Variants in DCAF1 observed in about 807,000 individuals in gnomAD.
The protein encoded by DCAF1 is DDB1 and CUL4 associated factor 1.
Under a neutral mutation model 128.0 loss-of-function variants are expected in DCAF1, and 15 were observed. The ratio of observed to expected loss-of-function variants is 0.12; its 90% CI spans 0.08 to 0.18. The LOEUF (loss-of-function observed/expected upper bound fraction) is 0.18, where lower values mean the gene tolerates loss of function less well. Among genes scored for constraint, DCAF1 ranks in the 10% least tolerant of loss-of-function variants. DCAF1 has a pLI of 1.00. For missense variants in DCAF1, 988 were observed against 1,649.5 expected (o/e 0.60, Z 6.95); for synonymous variants, 610 against 603.0 (o/e 1.01, Z -0.17).
chr3:51,424,147 G>A (rs1260142816), intron 13 of DCAF1, among the ~76,000 whole-genome samples: 5 of 151,956 alleles, frequency 3.3e-5, no homozygotes, highest in African/African-American at 7.2e-5. Flanking sequence ...AGAAAAAACC[G>A]GCTGGGTGTG....
chr3:51,458,422 T>G (rs1703162298), intron 6 of DCAF1, among the ~76,000 whole-genome samples: 2 of 152,172 alleles, frequency 1.3e-5, no homozygotes, highest in Admixed American at 6.6e-5. Context: ...AGCAAGTCCT[T>G]AGTGACCTAC....
intron 2 of DCAF1, among the ~76,000 whole-genome samples, chr3:51,491,549 A>T (rs12492624): frequency 0.074 from 11,257 of 152,066 alleles, 974 homozygotes; most frequent in East Asian, 0.33. Flanking sequence ...GAAAAAAGTA[A>T]TTTCAATAAG....
intron 4 of DCAF1, among the ~76,000 whole-genome samples, chr3:51,469,805 G>A (rs773170094): frequency 1.3e-5 from 2 of 151,954 alleles, no homozygotes; most frequent in Non-Finnish European, 2.9e-5. Flanking sequence ...TGGATCACTT[G>A]AGGTCAGGAG....
chr3:51,403,283 T>C lies in DCAF1; in HGVS notation c.4325A>G (p.Asn1442Ser), dbSNP rs1412068627. ...LLEAELEEDD[N>S]NENAGEDGDN... ...CCCATCTTCCCCTGCGTTCTCATTATTGTCGTCCTCCTCCAACTCCGCCTC... is the reference window on the plus strand; with the variant it reads ...CCCATCTTCCCCTGCGTTCTCATTACTGTCGTCCTCCTCCAACTCCGCCTC... Residue 1442 changes from asparagine (N) to serine (S), a missense_variant, in exon 24 of 25, where the codon AAT (asparagine) becomes AGT (serine). Asn to Ser is a conservative substitution (Grantham distance 46). Around this residue, in one of 11 missense-constraint regions of DCAF1, gnomAD observed 97 missense variants for 134.5 expected, o/e 0.72. Coordinates refer to ENST00000684031, the MANE Select transcript of DCAF1 (RefSeq NM_001387579.1). The C allele has an allele frequency of 1.9e-6, 3 of 1,605,652 alleles. No individual in the cohort carries two copies. The highest frequency in any genetic ancestry group is 4.5e-5 in the East Asian group (2 of 44,464).
chr3:51,420,691 T>C lies in DCAF1; in HGVS notation c.2279A>G (p.Lys760Arg), dbSNP rs369625178. 6.2e-7 allele frequency: 1 copy of C among 1,613,928 alleles called. No homozygotes were observed. The highest frequency in any genetic ancestry group is 1.3e-5 in the African/African-American group (1 of 74,940). ...ACTGCGAGACAGGCCCACTAGGGCT[T>C]TGCAGGCCAGGGCCCGGATTTGGTC... ...DADQIRALACKALVGLSRSST... is the reference protein window; with the variant it reads ...DADQIRALACRALVGLSRSST... Residue 760 changes from lysine (K) to arginine (R), a missense_variant, in exon 15 of 25, where the codon AAA becomes AGA. Physicochemically the swap from Lys to Arg is conservative, Grantham distance 26. Transcript: ENST00000684031. The surrounding 1 kb of genome is among the most constrained non-coding windows in gnomAD (Gnocchi z 6.5).
At chr3:51,423,784 C>A (rs1423854005) in intron 13 of DCAF1, among the ~76,000 whole-genome samples, 3 of 145,324 alleles carry the variant, frequency 2.1e-5, no homozygotes, top group African/African-American at 7.7e-5. Flanking sequence ...CACACCACTG[C>A]ACTCGAGCTT....
intron 6 of DCAF1, among the ~76,000 whole-genome samples, chr3:51,447,041 T>C (rs939096865): frequency 4.9e-4 from 75 of 151,522 alleles, no homozygotes; most frequent in African/African-American, 1.8e-3. Flanking sequence ...ATTTTCTTTT[T>C]CTTAAAGTCT....
chr3:51,442,772 T>C (rs908083813), intron 7 of DCAF1, among the ~76,000 whole-genome samples: 3 of 151,612 alleles, frequency 2.0e-5, no homozygotes, highest in African/African-American at 7.3e-5. Flanking sequence ...ATCAGAATAG[T>C]GGATAGATAA....
intron 23 of DCAF1, among the ~76,000 whole-genome samples, chr3:51,409,735 T>C (rs530956932): frequency 2.6e-4 from 39 of 152,306 alleles, no homozygotes; most frequent in African/African-American, 9.4e-4. Flanking sequence ...TCATGATAGC[T>C]AATGTGAAAA....
intron 5 of DCAF1, 149 bp from the exon 6 acceptor site, chr3:51,463,376 C>G (rs549389585): frequency 4.4e-4 from 188 of 423,724 alleles, no homozygotes; most frequent in African/African-American, 3.6e-3. Flanking sequence ...ACTAATTAAA[C>G]CTTTAATTAT....
At chr3:51,443,019 A>T (rs1313867714) in intron 7 of DCAF1, among the ~76,000 whole-genome samples, 3 of 152,148 alleles carry the variant, frequency 2.0e-5, no homozygotes, top group Admixed American at 6.6e-5. Context: ...ACCATGGCAC[A>T]TGTTTACCTA....
rs188041328 is a variant in DCAF1, at chr3:51,458,273, G to A, written c.375+4841C>T. On this transcript the variant is annotated intron_variant, in intron 6 of 24. Coordinates refer to ENST00000684031, the MANE Select transcript of DCAF1 (RefSeq NM_001387579.1). ...GGCAGGGGCTGCAATCCTAGTCTCT[G>A]ATAAAACAGACTTTAAACCAACAAA... Among the ~76,000 whole-genome samples the A allele has an allele frequency of 3.6e-4, 55 of 152,150 alleles. 1 individual carries two copies. The highest frequency in any genetic ancestry group is 7.2e-4 in the African/African-American group (30 of 41,490).
Position 51,414,812 on chromosome 3 carries a change from G to C in DCAF1, c.3649C>G (p.Pro1217Ala), listed in dbSNP as rs1375559136. 1 of 1,613,860 alleles carries C rather than the reference G, an allele frequency of 6.2e-7. No homozygotes were observed. Among genetic ancestry groups the C allele is most frequent in the Non-Finnish European group, 8.5e-7 (1 of 1,179,894 alleles). ...TGNKLLTLFN[P>A]DLANNYKRNC... The stretch of plus-strand genomic sequence containing the variant: ...CTCTTGTAGTTGTTGGCAAGATCTG[G>C]GTTAAACAGAGTCAACAGCTTGTTG... Residue 1217 changes from proline to alanine, a missense_variant, in exon 19 of 25, where the codon CCA (proline) becomes GCA (alanine). By Grantham distance (27) the Pro-to-Ala change is conservative. Coordinates refer to ENST00000684031, the MANE Select transcript of DCAF1 (RefSeq NM_001387579.1).
intron 13 of DCAF1, among the ~76,000 whole-genome samples, chr3:51,425,297 C>G (rs1248060433): frequency 6.6e-6 from 1 of 151,908 alleles, no homozygotes; most frequent in Non-Finnish European, 1.5e-5. Flanking sequence ...ATGGCAAAAC[C>G]CCGTCTCTAC....
chr3:51,461,677 G>A (rs555321148), intron 6 of DCAF1, among the ~76,000 whole-genome samples: 120 of 152,230 alleles, frequency 7.9e-4, no homozygotes, highest in Middle Eastern at 3.4e-3. Flanking sequence ...GTCCAACAAC[G>A]ATAGACTGGA....
At position 51,456,655 on chromosome 3, in the gene DCAF1, GC is replaced by G. The variant is rs1553642911; in HGVS notation, c.375+6458del. On this transcript the variant is annotated intron_variant, in intron 6 of 24. Transcript: ENST00000684031. ...GACCCCCAAGTAGCCTAACTGGGAG[GC>G]ACCCCCCAGTAGGGGCGGACTGACA... 9.2e-5 allele frequency among the ~76,000 whole-genome samples: 14 copies of G among 152,296 alleles called. 1 individual carries two copies. In the South Asian group the frequency reaches 2.9e-3, roughly 32 times the overall value.
At chr3:51,469,015 T>C (rs1176430401) in intron 4 of DCAF1, among the ~76,000 whole-genome samples, 1 of 152,164 alleles carries the variant, frequency 6.6e-6, no homozygotes, top group African/African-American at 2.4e-5. Flanking sequence ...ATGGTGAATA[T>C]TCCTCTGTAG....
At chr3:51,429,604 A>C in intron 11 of DCAF1, 134 bp from the exon 12 acceptor site, 1 of 626,884 alleles carries the variant, frequency 1.6e-6, no homozygotes, top group Non-Finnish European at 2.9e-6. Context: ...GTATCAGTAA[A>C]CTTTTATGCT....
intron 3 of DCAF1, among the ~76,000 whole-genome samples, chr3:51,479,096 C>G (rs1266939374): frequency 6.6e-6 from 1 of 152,164 alleles, no homozygotes; most frequent in Non-Finnish European, 1.5e-5. Context: ...CCAGCCTTTA[C>G]TTTTCACTTT....
Sources: allele counts gnomAD v4.1 joint callset (sites outside exome capture counted in the v4.1 genomes callset), GRCh38; gene constraint gnomAD v4.1.1; regional missense constraint gnomAD v4.1.1; non-coding constraint Gnocchi (gnomAD v3.1); transcripts MANE v1.5; gene names NCBI Gene and HGNC (gene_info 2026-07-23, HGNC 2026-07-21).